The following CASP9 variants were observed in gnomAD, a reference collection of about 807,000 sequenced individuals.
CASP9 encodes the protein caspase-9.
In CASP9, 29 loss-of-function variants were observed where a neutral mutation model predicts 43.5. That is an observed-to-expected ratio of 0.67 (90% CI 0.50 to 0.91). The LOEUF is 0.91. Among genes scored for constraint, CASP9 ranks in the 40% least tolerant of loss-of-function variants. The pLI is 0.00. For synonymous variants in CASP9, 206 were observed against 211.9 expected, an observed-to-expected ratio of 0.97 and a Z score of 0.24; for missense variants, 575 against 537.4, an observed-to-expected ratio of 1.07 and a Z score of -0.69.
chr1:15,499,478 T>C (rs1709240857), intron 6 of CASP9, among the ~76,000 whole-genome samples: 1 of 152,188 alleles, frequency 6.6e-6, no homozygotes, highest in African/African-American at 2.4e-5. Context: ...AAAGAAGCCA[T>C]CAGAAAAATA....
chr1:15,506,768 C>T (rs983455998), intron 4 of CASP9, 131 bp downstream of exon 4: 8 of 727,350 alleles, frequency 1.1e-5, no homozygotes, highest in South Asian at 1.8e-5. Flanking sequence ...GCCGCTGGGC[C>T]GTCCTACCTC....
At chr1:15,515,713 G>T (rs543538465) in intron 2 of CASP9, among the ~76,000 whole-genome samples, 5 of 152,336 alleles carry the variant, frequency 3.3e-5, no homozygotes, top group Non-Finnish European at 5.9e-5. Flanking sequence ...CTGTTGGCAA[G>T]AATGTGGGAA....
chr1:15,524,574 C>CGCACTGACCTCACGTCCCT (rs1168788069), upstream of CASP9: 3 of 960,330 alleles, frequency 3.1e-6, no homozygotes, highest in East Asian at 1.2e-4. Flanking sequence ...CCCGTATCCC[C>CGCACTGACCTCACGTCCCT]GCACTGACCT....
intron 2 of CASP9, among the ~76,000 whole-genome samples, chr1:15,511,371 C>T (rs540112752): frequency 2.2e-4 from 33 of 152,016 alleles, no homozygotes; most frequent in African/African-American, 7.0e-4. Flanking sequence ...CCCTCCTAAG[C>T]CATCCAAGTA....
intron 6 of CASP9, among the ~76,000 whole-genome samples, chr1:15,503,281 C>T (rs931516253): frequency 3.2e-4 from 48 of 152,080 alleles, no homozygotes; most frequent in African/African-American, 1.1e-3. Flanking sequence ...GCCCCAGCTA[C>T]TCAGGAGGCT....
chr1:15,504,867 G>A (rs1309488334), intron 5 of CASP9, 109 bp from the exon 6 acceptor site: 2 of 1,073,672 alleles, frequency 1.9e-6, no homozygotes, highest in Non-Finnish European at 2.7e-6. Flanking sequence ...AAAGCCAGGG[G>A]CACGAGGCTG....
rs1173581486 is a variant in CASP9 at position 15,498,849 on chromosome 1, C to T, written c.869-3397G>A. 3.4e-5 allele frequency among the ~76,000 whole-genome samples: 5 copies of T among 147,350 alleles called. No homozygotes were observed. In the East Asian group the frequency reaches 6.0e-4, roughly 18 times the overall value. ...GCAAGCTTCGCCTCCTGGGTTCAAG[C>T]GATTCTCCTGTCTCAGCCTCCCAAG... is the stretch of plus-strand genomic sequence containing the variant. On this transcript the variant is annotated intron_variant, in intron 6 of 8. Transcript: ENST00000333868.
Position 15,493,997 on chromosome 1 carries a change from A to C in CASP9, c.1053T>G (p.Phe351Leu), listed in dbSNP as rs781459012. ...IFVSYSTFPG[F>L]VSWRDPKSGS... Reference sequence around the variant, plus strand: ...CACTCTTGGGGTCCCTCCAGGAAACAAAACCTTTGGAGGGAGGAGGGCTGA... The same window carrying C: ...CACTCTTGGGGTCCCTCCAGGAAACCAAACCTTTGGAGGGAGGAGGGCTGA... Residue 351 changes from phenylalanine to leucine, a missense_variant, in exon 8 of 9, where the codon TTT (phenylalanine) becomes TTG (leucine). Phe to Leu is a conservative substitution (Grantham distance 22). Transcript: ENST00000333868. The C allele has an allele frequency of 6.3e-7, 1 of 1,586,676 alleles. No individual in the cohort carries two copies. Among genetic ancestry groups the C allele is most frequent in the East Asian group, 2.3e-5 (1 of 43,800 alleles).
intron 2 of CASP9, among the ~76,000 whole-genome samples, chr1:15,515,710 C>A (rs1488053843): frequency 1.3e-5 from 2 of 152,146 alleles, no homozygotes; most frequent in East Asian, 3.8e-4. Context: ...TCACTGTTGG[C>A]AAGAATGTGG....
chr1:15,512,354 A>T (rs1481803394), intron 2 of CASP9, among the ~76,000 whole-genome samples: 2 of 151,990 alleles, frequency 1.3e-5, no homozygotes. Context: ...AGGTAGACAG[A>T]GTAAAGCAGA....
chr1:15,493,815 C>A, intron 8 of CASP9, 77 bp downstream of exon 8: 5 of 1,544,260 alleles, frequency 3.2e-6, no homozygotes, highest in Non-Finnish European at 4.4e-6. Context: ...CCTGCTCACC[C>A]CAAATCCCCA....
chr1:15,524,259 C>T (rs896502362), upstream of CASP9: 3 of 1,518,846 alleles, frequency 2.0e-6, no homozygotes, highest in Non-Finnish European at 2.6e-6. Context: ...CTCGGCCGCC[C>T]GCCCCAGTCC....
At chr1:15,522,422 A>C (rs1360150881) in intron 1 of CASP9, among the ~76,000 whole-genome samples, 1 of 152,208 alleles carries the variant, frequency 6.6e-6, no homozygotes, top group Non-Finnish European at 1.5e-5. Context: ...TTCTTTTTTA[A>C]GATGTGAAAG....
chr1:15,522,044 C>T (rs944692411), intron 1 of CASP9, among the ~76,000 whole-genome samples: 7 of 152,186 alleles, frequency 4.6e-5, no homozygotes, highest in African/African-American at 7.2e-5. Context: ...TTTCTCTCCA[C>T]ATTTGCTGAA....
intron 2 of CASP9, among the ~76,000 whole-genome samples, chr1:15,511,441 T>C (rs980866197): frequency 3.7e-4 from 56 of 151,318 alleles, no homozygotes; most frequent in Middle Eastern, 3.4e-3. Flanking sequence ...TCCCGCTCTG[T>C]CGCCCAGGCT....
At position 15,524,177 on chromosome 1, in the gene CASP9, G is replaced by A. The variant is rs370730070; in HGVS notation, c.24C>T (p.Leu8=). The A allele has an allele frequency of 5.6e-4, 857 of 1,543,706 alleles. 4 individuals are homozygous for A. The African/African-American group carries it at 0.01, about 19-fold the overall frequency. The change falls in exon 1 of 9, where the codon CTC becomes CTT. Residue 8 remains leucine, a synonymous_variant. Transcript: ENST00000333868. ...CCAGCCGCAGCCGGCACCGCCGCAG[G>A]AGCCGCCGATCCGCTTCGTCCATGG... The part of the protein sequence containing the change: MDEADRR[L]LRRCRLRLVE...
intron 2 of CASP9, among the ~76,000 whole-genome samples, chr1:15,508,157 A>G (rs764008399): frequency 6.6e-6 from 1 of 152,240 alleles, no homozygotes; most frequent in Non-Finnish European, 1.5e-5. Flanking sequence ...GGCACAAAAG[A>G]CTTGGCCAAA....
In CASP9 at chr1:15,518,250, C is replaced by T; in HGVS notation, c.278G>A (p.Arg93Lys). ...DMLASFLRTN[R>K]QAAKLSKPTL... ...TGGCTTCGACAACTTTGCTGCTTGC[C>T]TGTTAGTTCGCAGAAACGAAGCCAG... The change falls in exon 2 of 9, where the codon AGG (arginine) becomes AAG (lysine). Residue 93 changes from arginine (R) to lysine (K), a missense_variant. Arg to Lys is a conservative substitution (Grantham distance 26). Transcript: ENST00000333868. 6.2e-7 allele frequency: 1 copy of T among 1,614,190 alleles called. No homozygotes were observed. The highest frequency in any genetic ancestry group is 8.5e-7 in the Non-Finnish European group (1 of 1,180,042).
intron 6 of CASP9, among the ~76,000 whole-genome samples, chr1:15,500,320 G>C (rs1709276035): frequency 3.3e-5 from 5 of 152,138 alleles, no homozygotes; most frequent in Admixed American, 3.3e-4. Context: ...CAAGTGCTGT[G>C]GCCGCAACGC....
Sources: gnomAD v4.1 joint callset for allele counts (sites outside exome capture counted in the v4.1 genomes callset) on GRCh38, gnomAD v4.1.1 for gene constraint, MANE v1.5 for transcripts, NCBI Gene and HGNC (gene_info 2026-07-23, HGNC 2026-07-21) for gene names.